SETD2: variants seen among roughly 807,000 people sequenced by gnomAD.
SETD2 encodes the protein histone-lysine N-methyltransferase SETD2.
Under a neutral mutation model 242.1 loss-of-function variants are expected in SETD2, and 31 were observed. The ratio of observed to expected loss-of-function variants is 0.13; its 90% CI spans 0.10 to 0.17. SETD2 has a LOEUF of 0.17. Among genes scored for constraint, SETD2 ranks in the 10% least tolerant of loss-of-function variants. The pLI is 1.00. For missense variants in SETD2, 2,481 were observed against 3,046.3 expected, an observed-to-expected ratio of 0.81 and a Z score of 4.37; for synonymous variants, 1,006 against 1,066.5, an observed-to-expected ratio of 0.94 and a Z score of 1.11.
intron 1 of SETD2, among the ~76,000 whole-genome samples, chr3:47,154,525 A>C (rs535019231): frequency 6.6e-6 from 1 of 152,318 alleles, no homozygotes; most frequent in East Asian, 1.9e-4. Context: ...TGTGTAAAAA[A>C]ATAAAAACCA....
chr3:47,063,527 C>G (rs2040430019), intron 13 of SETD2, among the ~76,000 whole-genome samples: 1 of 152,118 alleles, frequency 6.6e-6, no homozygotes, highest in Admixed American at 6.5e-5. Flanking sequence ...GCTTCCTATT[C>G]AAAGATGGTA....
At chr3:47,058,900 T>C (rs533606971) in intron 14 of SETD2, among the ~76,000 whole-genome samples, 1 of 151,878 alleles carries the variant, frequency 6.6e-6, no homozygotes, top group South Asian at 2.1e-4. Flanking sequence ...GTTCATGCCA[T>C]TCTTCTGCCT....
rs1356564703 is a variant in SETD2, at chr3:47,121,881, C to G, written c.2755G>C (p.Glu919Gln). The change falls in exon 3 of 21, where the codon GAG becomes CAG. Residue 919 changes from glutamate to glutamine, a missense_variant. Physicochemically the swap from Glu to Gln is conservative, Grantham distance 29. Transcript: ENST00000409792. ...DAVLKSKKSS[E>Q]FLKHAGKETI... ...TCTTTCCCTGCATGCTTTAAAAACT[C>G]TGAACTTTTTTTACTCTTTAGCACT... 1 of 1,613,868 alleles carries G rather than the reference C, an allele frequency of 6.2e-7. No individual in the cohort carries two copies. Among genetic ancestry groups the G allele is most frequent in the Non-Finnish European group, 8.5e-7 (1 of 1,179,998 alleles).
intron 9 of SETD2, among the ~76,000 whole-genome samples, chr3:47,092,396 T>C (rs1015035299): frequency 1.3e-5 from 2 of 152,018 alleles, no homozygotes; most frequent in South Asian, 2.1e-4. Context: ...TTAGATTTTA[T>C]GTATGGGTCA....
intron 12 of SETD2, among the ~76,000 whole-genome samples, chr3:47,073,921 C>G (rs1487947487): frequency 2.6e-5 from 4 of 152,162 alleles, no homozygotes; most frequent in Non-Finnish European, 5.9e-5. Flanking sequence ...CTATGAAGAG[C>G]AATTTGGCAA....
In SETD2 at chr3:47,164,012, CGCGGCGGCGGCGGCG is replaced by C. The variant is rs76496241; in HGVS notation, c.-103_-89del. On this transcript the variant is annotated 5_prime_UTR_variant, in exon 1 of 21. Coordinates refer to ENST00000409792, the MANE Select transcript of SETD2 (RefSeq NM_014159.7). This position sits in a 1 kb window ranked among gnomAD's most constrained non-coding sequence, Gnocchi z 5.4. ...GAGGGGAGGAGGCCGCAGGTCCGAC[CGCGGCGGCGGCGGCG>C]GCGGCGGCGGCGGCGGCAGGGGCGG... is the stretch of plus-strand genomic sequence containing the variant. 9.0e-4 allele frequency: 1,075 copies of C among 1,192,316 alleles called. No homozygotes were observed. Among genetic ancestry groups the C allele is most frequent in the Middle Eastern group, 3.2e-3 (10 of 3,094 alleles). The allele number at this position is 1,192,316 out of a possible 1,614,324, so 73.9% of individuals were successfully genotyped here. A position where few individuals can be genotyped will look rare whatever the true frequency, so the allele number is the denominator to read the frequency against.
chr3:47,061,375 C>T (rs1007423941), intron 14 of SETD2, among the ~76,000 whole-genome samples: 1 of 152,126 alleles, frequency 6.6e-6, no homozygotes, highest in Non-Finnish European at 1.5e-5. Flanking sequence ...ACCAACTCAA[C>T]TTCAACAAAG....
Position 47,057,322 on chromosome 3 carries a change from A to G in SETD2, c.6462T>C (p.Ser2154=). ...GATGATGCGGGGCATTATAACCAAG[A>G]GAGTCATAGGGCAGTGGTGATGTCA... ...LGMTSPLPYD[S]LGYNAPHHPF... Residue 2154 remains serine, a synonymous_variant, in exon 15 of 21, where the codon TCT becomes TCC. Transcript: ENST00000409792. 6.2e-7 allele frequency: 1 copy of G among 1,614,158 alleles called. No homozygotes were observed. Among genetic ancestry groups the G allele is most frequent in the Middle Eastern group, 1.6e-4 (1 of 6,062 alleles).
rs1033277635 is a variant in SETD2 at position 47,062,260 on chromosome 3, C to T, written c.6196G>A (p.Asp2066Asn). ...TTCTCTTTATTTTGAGTTTGCTTGTCTGGGTCTCTCTCTCTTGACCTATTA... is the reference window on the plus strand; with the variant it reads ...TTCTCTTTATTTTGAGTTTGCTTGTTTGGGTCTCTCTCTCTTGACCTATTA... Reference protein sequence around the residue: ...TPNRSRERDPDKQTQNKEKRK... With the variant: ...TPNRSRERDPNKQTQNKEKRK... Residue 2066 changes from aspartate (D) to asparagine (N), a missense_variant, in exon 14 of 21, where the codon GAC (aspartate) becomes AAC (asparagine). Transcript: ENST00000409792. The T allele has an allele frequency of 6.2e-7, 1 of 1,614,048 alleles. No homozygotes were observed. Among genetic ancestry groups the T allele is most frequent in the Non-Finnish European group, 8.5e-7 (1 of 1,179,974 alleles).
At chr3:47,111,111 A>AAAAAC (rs2042633557) in intron 5 of SETD2, among the ~76,000 whole-genome samples, 1 of 139,626 alleles carries the variant, frequency 7.2e-6, no homozygotes, top group South Asian at 2.4e-4. Flanking sequence ...AAAAAAAAAA[A>AAAAAC]TCTCAAGAAG....
intron 5 of SETD2, among the ~76,000 whole-genome samples, chr3:47,108,248 C>T (rs989166990): frequency 1.3e-5 from 2 of 152,186 alleles, no homozygotes; most frequent in Non-Finnish European, 2.9e-5. Flanking sequence ...TATCCAGGAT[C>T]TGGAACTGCA....
intron 9 of SETD2, among the ~76,000 whole-genome samples, chr3:47,091,398 G>A (rs113245157): frequency 0.01 from 1,540 of 152,174 alleles, 16 homozygotes; most frequent in Non-Finnish European, 0.014. Flanking sequence ...AGGCCAAGGC[G>A]GACAGATCAC....
chr3:47,141,149 AG>A (rs2043719858), intron 1 of SETD2, among the ~76,000 whole-genome samples: 1 of 142,858 alleles, frequency 7.0e-6, no homozygotes. Flanking sequence ...CTAGGATTAT[AG>A]GCACACACCA....
At chr3:47,021,694 C>T (rs2038225538) in intron 18 of SETD2, among the ~76,000 whole-genome samples, 1 of 152,200 alleles carries the variant, frequency 6.6e-6, no homozygotes, top group African/African-American at 2.4e-5. Context: ...TCTTCATGGT[C>T]TGTGATTTGC....
intron 1 of SETD2, among the ~76,000 whole-genome samples, chr3:47,135,513 A>G (rs1346471658): frequency 1.3e-5 from 2 of 152,168 alleles, no homozygotes; most frequent in South Asian, 4.1e-4. Flanking sequence ...CTAAGCTCAA[A>G]CAATCTGTCC....
chr3:47,106,932 T>C (rs2042451873), intron 5 of SETD2, among the ~76,000 whole-genome samples: 1 of 152,222 alleles, frequency 6.6e-6, no homozygotes, highest in Non-Finnish European at 1.5e-5. Flanking sequence ...TCCCTTTATG[T>C]AATGACATTC....
rs2107588983 is a variant in SETD2 at position 47,062,217 on chromosome 3, G to C, written c.6239C>G (p.Ser2080Cys). ...QNKEKRKRRS[S>C]LSPPSSAYER... ...ATAGGCAGAAGAGGGTGGTGAGAGGGAGCTTCTTCGTTTCCTTTTCTCTTT... is the reference window on the plus strand; with the variant it reads ...ATAGGCAGAAGAGGGTGGTGAGAGGCAGCTTCTTCGTTTCCTTTTCTCTTT... The change falls in exon 14 of 21, where the codon TCC becomes TGC. Residue 2080 changes from serine to cysteine, a missense_variant. Ser to Cys is a moderately radical substitution (Grantham distance 112). Coordinates refer to ENST00000409792, the MANE Select transcript of SETD2 (RefSeq NM_014159.7). 6.2e-7 allele frequency: 1 copy of C among 1,614,090 alleles called. No individual in the cohort carries two copies. Among genetic ancestry groups the C allele is most frequent in the Non-Finnish European group, 8.5e-7 (1 of 1,180,004 alleles).
intron 12 of SETD2, among the ~76,000 whole-genome samples, chr3:47,067,392 C>T (rs537625446): frequency 6.8e-6 from 1 of 147,692 alleles, no homozygotes; most frequent in Non-Finnish European, 1.5e-5. Context: ...GGCAAGGATA[C>T]GCTTCCTGAG....
At chr3:47,052,410 T>G (rs2039885662) in intron 15 of SETD2, among the ~76,000 whole-genome samples, 1 of 152,196 alleles carries the variant, frequency 6.6e-6, no homozygotes, top group African/African-American at 2.4e-5. Flanking sequence ...TGGGTTCAAG[T>G]GATCTTCCTG....
Sources: allele counts gnomAD v4.1 joint callset (sites outside exome capture counted in the v4.1 genomes callset), GRCh38; gene constraint gnomAD v4.1.1; non-coding constraint Gnocchi (gnomAD v3.1); transcripts MANE v1.5; gene names NCBI Gene and HGNC (gene_info 2026-07-23, HGNC 2026-07-21).